Variants in MYH9 observed in about 807,000 individuals in gnomAD.
The protein encoded by MYH9 is myosin heavy chain 9.
MYH9 carries 29 observed loss-of-function variants against 241.9 expected under a neutral mutation model. The ratio of observed to expected loss-of-function variants is 0.12; its 90% CI spans 0.09 to 0.16. The LOEUF is 0.16. Among genes scored for constraint, MYH9 ranks in the 10% least tolerant of loss-of-function variants. The pLI is 1.00. For missense variants in MYH9, 1,803 were observed against 2,595.5 expected, an observed-to-expected ratio of 0.69 and a Z score of 6.63; for synonymous variants, 1,047 against 1,062.6, an observed-to-expected ratio of 0.99 and a Z score of 0.29.
intron 1 of MYH9, among the ~76,000 whole-genome samples, chr22:36,378,513 T>A (rs1199043028): frequency 2.0e-5 from 3 of 152,120 alleles, no homozygotes; most frequent in Non-Finnish European, 4.4e-5. Flanking sequence ...TTAAGTGACC[T>A]AAAGTTACTA....
At position 36,322,450 on chromosome 22, in the gene MYH9, C is replaced by T. The variant is rs2017269374; in HGVS notation, c.684G>A (p.Lys228=). 4 of 1,613,964 alleles carry T rather than the reference C, an allele frequency of 2.5e-6. No homozygotes were observed. In the South Asian group the frequency reaches 3.3e-5, roughly 13 times the overall value. ...LEAFGNAKTV[K]NDNSSRFGKF... ...TCACGAAGCGGGAGGAGTTGTCATT[C>T]TTCACGGTCTTGGCGTTCCCGAAGG... is the stretch of plus-strand genomic sequence containing the variant. The change falls in exon 6 of 41, where the codon AAG becomes AAA. Residue 228 remains lysine (K), a synonymous_variant. Coordinates refer to ENST00000216181, the MANE Select transcript of MYH9 (RefSeq NM_002473.6).
rs774015925 is a variant in MYH9, at chr22:36,285,250, C to A, written c.5354G>T (p.Arg1785Leu). The A allele has an allele frequency of 1.9e-6, 3 of 1,614,146 alleles. No homozygotes were observed. Among genetic ancestry groups the A allele is most frequent in the South Asian group, 1.1e-5 (1 of 91,084 alleles). ...KNENARQQLERQNKELKVKLQ... is the reference protein window; with the variant it reads ...KNENARQQLELQNKELKVKLQ... Reference sequence around the variant, plus strand: ...CTTGACCTTAAGCTCCTTGTTCTGGCGTTCCAGCTGCTGCCGAGCATTCTC... The same window carrying A: ...CTTGACCTTAAGCTCCTTGTTCTGGAGTTCCAGCTGCTGCCGAGCATTCTC... The change falls in exon 38 of 41, where the codon CGC becomes CTC. Residue 1785 changes from arginine (R) to leucine (L), a missense_variant. Transcript: ENST00000216181. This position sits in a 1 kb window ranked among gnomAD's most constrained non-coding sequence, Gnocchi z 7.0.
intron 1 of MYH9, among the ~76,000 whole-genome samples, chr22:36,375,246 C>T (rs1450977369): frequency 6.6e-6 from 1 of 152,204 alleles, no homozygotes; most frequent in Non-Finnish European, 1.5e-5. Flanking sequence ...GGTTGCCTGG[C>T]TAGCTGGTTC....
At chr22:36,383,960 G>GAAA (rs113872567) in intron 1 of MYH9, among the ~76,000 whole-genome samples, 1 of 115,116 alleles carries the variant, frequency 8.7e-6, no homozygotes. Flanking sequence ...ACCCTGTCTC[G>GAAA]AAAAAAAAAA....
chr22:36,321,098 G>A (rs1198997317), intron 7 of MYH9, among the ~76,000 whole-genome samples: 2 of 152,026 alleles, frequency 1.3e-5, no homozygotes, highest in African/African-American at 2.4e-5. Context: ...GATTACAGGC[G>A]CCCACCACCA....
rs769676820 is a variant in MYH9 at position 36,314,187 on chromosome 22, A to G, written c.1512T>C (p.Phe504=). The change falls in exon 13 of 41, where the codon TTT becomes TTC. Residue 504 remains phenylalanine (F), a synonymous_variant. Coordinates refer to ENST00000216181, the MANE Select transcript of MYH9 (RefSeq NM_002473.6). The part of the protein sequence containing the change: ...REGIEWNFID[F]GLDLQPCIDL... ...CGATGCAGGGCTGCAGGTCGAGGCC[A>G]AAGTCGATGAAGTTCCACTCGATGC... The G allele has an allele frequency of 6.2e-6, 10 of 1,614,234 alleles. No homozygotes were observed. In the Middle Eastern group the frequency reaches 4.9e-4, roughly 80 times the overall value.
chr22:36,294,239 G>A lies in MYH9; in HGVS notation c.3690C>T (p.Ala1230=). 1 of 1,614,094 alleles carries A rather than the reference G, an allele frequency of 6.2e-7. No homozygotes were observed. The highest frequency in any genetic ancestry group is 2.2e-5 in the East Asian group (1 of 44,882). ...QTLENERGEL[A]NEVKVLLQGK... is the part of the protein sequence containing the mutation. ...CCTGCAGCAGCACCTTCACCTCGTTGGCCAGCTCCCCCCGCTCGTTCTCCA... is the reference window on the plus strand; with the variant it reads ...CCTGCAGCAGCACCTTCACCTCGTTAGCCAGCTCCCCCCGCTCGTTCTCCA... The change falls in exon 28 of 41, where the codon GCC becomes GCT. Residue 1230 remains alanine (A), a synonymous_variant. Coordinates refer to ENST00000216181, the MANE Select transcript of MYH9 (RefSeq NM_002473.6).
intron 2 of MYH9, among the ~76,000 whole-genome samples, chr22:36,346,687 T>TG (rs749768477): frequency 1.3e-5 from 2 of 152,154 alleles, no homozygotes; most frequent in Non-Finnish European, 2.9e-5. Flanking sequence ...ACTGCACCCT[T>TG]GACCCCCTGG....
At position 36,341,412 on chromosome 22, in the gene MYH9, T is replaced by C. The variant is rs2017587954; in HGVS notation, c.448A>G (p.Ile150Val). 4.3e-6 allele frequency: 7 copies of C among 1,614,118 alleles called. No individual in the cohort carries two copies. Among genetic ancestry groups the C allele is most frequent in the Non-Finnish European group, 5.9e-6 (7 of 1,179,996 alleles). ...GKKRHEMPPH[I>V]YAITDTAYRS... ...TAGGCGGTGTCTGTGATGGCATAGA[T>C]GTGAGGGGGCATCTCGTGCCTCTTC... Residue 150 changes from isoleucine (I) to valine (V), a missense_variant, in exon 3 of 41, where the codon ATC (isoleucine) becomes GTC (valine). Coordinates refer to ENST00000216181, the MANE Select transcript of MYH9 (RefSeq NM_002473.6).
chr22:36,330,665 C>A lies in MYH9; in HGVS notation c.491-3177G>T, dbSNP rs369169876. Among the ~76,000 whole-genome samples the A allele has an allele frequency of 6.6e-6, 1 of 152,010 alleles. No homozygotes were observed. Among genetic ancestry groups the A allele is most frequent in the Non-Finnish European group, 1.5e-5 (1 of 68,020 alleles). On this transcript the variant is annotated intron_variant, in intron 3 of 40. Coordinates refer to ENST00000216181, the MANE Select transcript of MYH9 (RefSeq NM_002473.6). The surrounding 1 kb of genome is among the most constrained non-coding windows in gnomAD (Gnocchi z 4.5). The stretch of plus-strand genomic sequence containing the variant: ...GCATTCTAGTGGAGACTGCCATTGG[C>A]GCCCACCCCATCAACCCTTCCCCGC...
In MYH9 at chr22:36,304,147, G is replaced by C; in HGVS notation, c.2238C>G (p.Ala746=). The part of the protein sequence containing the change: ...GKQACVLMIK[A]LELDSNLYRI... The stretch of plus-strand genomic sequence containing the variant: ...GGTACAGATTGCTGTCGAGCTCCAG[G>C]GCTTTTATCTAGGTGGGAGGAGCAG... The change falls in exon 19 of 41, where the codon GCC becomes GCG. Residue 746 remains alanine (A), a synonymous_variant. Transcript: ENST00000216181. The C allele has an allele frequency of 4.3e-6, 7 of 1,613,482 alleles. No homozygotes were observed. The highest frequency in any genetic ancestry group is 5.1e-6 in the Non-Finnish European group (6 of 1,180,032).
Position 36,381,149 on chromosome 22 carries a change from TAC to T in MYH9, c.-20+6656_-20+6657del, listed in dbSNP as rs544149824. ...AGCAATGCACTTTAAAGTTGAGACC[TAC>T]AGATTAGCCAGCTGGACCCCTTATT... is the stretch of plus-strand genomic sequence containing the variant. On this transcript the variant is annotated intron_variant, in intron 1 of 40. Coordinates refer to ENST00000216181, the MANE Select transcript of MYH9 (RefSeq NM_002473.6). 5.6e-3 allele frequency among the ~76,000 whole-genome samples: 848 copies of T among 152,276 alleles called. 10 individuals carry two copies. The highest frequency in any genetic ancestry group is 0.02 in the African/African-American group (811 of 41,550).
At chr22:36,372,779 G>A (rs1336251843) in intron 1 of MYH9, among the ~76,000 whole-genome samples, 1 of 152,062 alleles carries the variant, frequency 6.6e-6, no homozygotes, top group Non-Finnish European at 1.5e-5. Context: ...GGGGTGGGGA[G>A]CAACAAGACT....
At chr22:36,377,062 C>CA (rs11448075) in intron 1 of MYH9, among the ~76,000 whole-genome samples, 69,280 of 144,662 alleles carry the variant, frequency 0.48, 16,761 homozygotes, top group Admixed American at 0.53. Flanking sequence ...GACCCTACCT[C>CA]AAAAAAAAAA....
At chr22:36,376,459 G>C (rs1730875294) in intron 1 of MYH9, among the ~76,000 whole-genome samples, 1 of 151,974 alleles carries the variant, frequency 6.6e-6, no homozygotes, top group Non-Finnish European at 1.5e-5. Context: ...ACTCCCTGTT[G>C]GAGGATAAGG....
rs183243712 is a variant in MYH9 at position 36,347,595 on chromosome 22, C to T, written c.333+1309G>A. On this transcript the variant is annotated intron_variant, in intron 2 of 40. Transcript: ENST00000216181. ...ATAAAAATATTAAAAATTAGCCAGG[C>T]GTGGTGGCACAGGCCTGTAGTCCCA... is the stretch of plus-strand genomic sequence containing the variant. 8.6e-5 allele frequency among the ~76,000 whole-genome samples: 13 copies of T among 151,600 alleles called. No individual in the cohort carries two copies. The East Asian group carries it at 1.7e-3, about 20-fold the overall frequency.
intron 1 of MYH9, among the ~76,000 whole-genome samples, chr22:36,371,982 A>T (rs1294521159): frequency 2.0e-5 from 3 of 152,048 alleles, no homozygotes; most frequent in Non-Finnish European, 2.9e-5. Flanking sequence ...CAGTTGCCTT[A>T]ATCAATGATG....
At chr22:36,323,947 G>A (rs973291374) in intron 5 of MYH9, among the ~76,000 whole-genome samples, 22 of 152,206 alleles carry the variant, frequency 1.4e-4, no homozygotes, top group African/African-American at 3.4e-4. Flanking sequence ...CACAGGCCTC[G>A]GGCGGGCCTG....
chr22:36,304,346 T>C (rs2016936194), intron 18 of MYH9, among the ~76,000 whole-genome samples, 191 bp from the exon 19 acceptor site: 1 of 152,226 alleles, frequency 6.6e-6, no homozygotes, highest in Non-Finnish European at 1.5e-5. Context: ...GAACGCAGGC[T>C]GTGCACACAG....
Sources: allele counts gnomAD v4.1 joint callset (sites outside exome capture counted in the v4.1 genomes callset), GRCh38; gene constraint gnomAD v4.1.1; non-coding constraint Gnocchi (gnomAD v3.1); transcripts MANE v1.5; gene names NCBI Gene and HGNC (gene_info 2026-07-23, HGNC 2026-07-21).